ZNF385D: variants seen among roughly 807,000 people sequenced by gnomAD.
ZNF385D encodes the protein zinc finger protein 659.
Under a neutral mutation model 35.8 loss-of-function variants are expected in ZNF385D, and 15 were observed. That is an observed-to-expected ratio of 0.42 (90% CI 0.28 to 0.64). The LOEUF (loss-of-function observed/expected upper bound fraction) is 0.64. Among genes scored for constraint, ZNF385D ranks in the 30% least tolerant of loss-of-function variants. The pLI is 0.23. For missense variants in ZNF385D, 474 were observed against 494.6 expected (o/e 0.96, Z 0.39); for synonymous variants, 212 against 186.8 (o/e 1.13, Z -1.10).
intron 3 of ZNF385D, among the ~76,000 whole-genome samples, chr3:22,137,079 A>T (rs1269393334): frequency 6.6e-6 from 1 of 152,336 alleles, no homozygotes; most frequent in South Asian, 2.1e-4. Flanking sequence ...AACTACGGAC[A>T]TTAGTTAATA....
intron 3 of ZNF385D, among the ~76,000 whole-genome samples, chr3:22,155,934 C>T (rs749355355): frequency 6.6e-6 from 1 of 151,868 alleles, no homozygotes; most frequent in Non-Finnish European, 1.5e-5. Flanking sequence ...TCAGATACCC[C>T]AGGGTAAAAA....
intron 3 of ZNF385D, among the ~76,000 whole-genome samples, chr3:22,089,469 C>T (rs984213524): frequency 6.6e-6 from 1 of 152,180 alleles, no homozygotes; most frequent in African/African-American, 2.4e-5. Context: ...AGACAGGCTC[C>T]TGCGGTACAC....
intron 4 of ZNF385D, among the ~76,000 whole-genome samples, chr3:21,495,787 T>C (rs905129802): frequency 6.6e-6 from 1 of 151,566 alleles, no homozygotes; most frequent in Non-Finnish European, 1.5e-5. Context: ...AATTAATAGA[T>C]AGATAAAACA....
At chr3:21,458,421 G>GCAGTAAGCC (rs1284572341) in intron 4 of ZNF385D, among the ~76,000 whole-genome samples, 1 of 151,658 alleles carries the variant, frequency 6.6e-6, no homozygotes, top group African/African-American at 2.4e-5. Context: ...TGTTGACACT[G>GCAGTAAGCC]CAGTAAGCCA....
At chr3:21,949,124 AT>A (rs1325854323) in intron 3 of ZNF385D, among the ~76,000 whole-genome samples, 18 of 152,112 alleles carry the variant, frequency 1.2e-4, no homozygotes, top group Non-Finnish European at 2.6e-4. Flanking sequence ...TTTTGTGACA[AT>A]TCCTTTTATC....
At chr3:21,435,807 C>CT (rs1701523630) in intron 5 of ZNF385D, among the ~76,000 whole-genome samples, 1 of 152,162 alleles carries the variant, frequency 6.6e-6, no homozygotes, top group South Asian at 2.1e-4. Flanking sequence ...AGGCCAGGTA[C>CT]TTTTCTGTGT....
At chr3:22,065,147 T>C (rs1576251790) in intron 3 of ZNF385D, among the ~76,000 whole-genome samples, 2 of 152,296 alleles carry the variant, frequency 1.3e-5, no homozygotes, top group East Asian at 1.9e-4. Flanking sequence ...GATGAACTTA[T>C]TGAGAGAGTG....
At chr3:22,039,809 TTCTTC>T (rs1698555315) in intron 3 of ZNF385D, among the ~76,000 whole-genome samples, 1 of 152,088 alleles carries the variant, frequency 6.6e-6, no homozygotes, top group Non-Finnish European at 1.5e-5. Context: ...CTGGATGTCT[TTCTTC>T]TCTTTTCTTC....
At chr3:21,541,268 T>C (rs1188144521) in intron 3 of ZNF385D, among the ~76,000 whole-genome samples, 1 of 152,138 alleles carries the variant, frequency 6.6e-6, no homozygotes, top group Non-Finnish European at 1.5e-5. Flanking sequence ...GAAACTTTAG[T>C]GTGAAGAAGG....
At chr3:21,424,317 A>ATATATTTTT (rs1221923155) in intron 6 of ZNF385D, among the ~76,000 whole-genome samples, 2 of 63,814 alleles carry the variant, frequency 3.1e-5, no homozygotes, top group African/African-American at 1.2e-4. Context: ...ATATATATAT[A>ATATATTTTT]TTTTTTTTTT....
chr3:21,776,483 A>G (rs2071294188), intron 3 of ZNF385D, among the ~76,000 whole-genome samples: 1 of 152,008 alleles, frequency 6.6e-6, no homozygotes, highest in African/African-American at 2.4e-5. Context: ...TCTGATACAC[A>G]ACAACTAGCA....
rs540411758 is a variant in ZNF385D at position 22,066,392 on chromosome 3, T to C, written c.325+102425A>G. Among the ~76,000 whole-genome samples, 18 of 146,304 alleles carry C rather than the reference T, an allele frequency of 1.2e-4. No individual in the cohort carries two copies. The East Asian group carries it at 3.6e-3, about 30-fold the overall frequency. On this transcript the variant is annotated intron_variant, in intron 3 of 5. Transcript: ENST00000494108. The stretch of plus-strand genomic sequence containing the variant: ...TGTGTGTGTGTATGTAAAAAGATAC[T>C]GGGTGAGATGGTTCCCTGTGTGTGT...
At chr3:22,013,315 A>G (rs147568030) in intron 3 of ZNF385D, among the ~76,000 whole-genome samples, 2 of 152,290 alleles carry the variant, frequency 1.3e-5, no homozygotes, top group Non-Finnish European at 2.9e-5. Flanking sequence ...ATTCTATTAC[A>G]TTTGCTAATG....
chr3:22,324,134 A>T (rs928450824), intron 2 of ZNF385D, among the ~76,000 whole-genome samples: 1 of 152,194 alleles, frequency 6.6e-6, no homozygotes, highest in African/African-American at 2.4e-5. Flanking sequence ...TACCTTCTTA[A>T]CATGGTAAGG....
At chr3:21,728,772 G>A (rs2068870604) in intron 1 of ZNF385D, among the ~76,000 whole-genome samples, 5 of 152,154 alleles carry the variant, frequency 3.3e-5, no homozygotes. Context: ...TTCCTAATGA[G>A]GCCCACTCCT....
chr3:21,998,847 T>G (rs374952019), intron 3 of ZNF385D, among the ~76,000 whole-genome samples: 1 of 152,180 alleles, frequency 6.6e-6, no homozygotes, highest in East Asian at 1.9e-4. Flanking sequence ...CGCACACACA[T>G]AGACACAGAC....
chr3:22,211,302 C>T (rs60164686), intron 2 of ZNF385D, among the ~76,000 whole-genome samples: 3,447 of 151,812 alleles, frequency 0.023, 137 homozygotes, highest in African/African-American at 0.079. Context: ...ACTGGAAAAG[C>T]AAAAAATGTT....
intron 2 of ZNF385D, among the ~76,000 whole-genome samples, chr3:22,324,202 T>G (rs1305209705): frequency 6.6e-6 from 1 of 152,166 alleles, no homozygotes; most frequent in Admixed American, 6.5e-5. Context: ...GTGCTCCTAA[T>G]AGGACACTAA....
chr3:22,038,256 G>T (rs975719731), intron 3 of ZNF385D, among the ~76,000 whole-genome samples: 1 of 152,166 alleles, frequency 6.6e-6, no homozygotes, highest in East Asian at 1.9e-4. Context: ...AGATAAAAAT[G>T]TGGTAGAGAT....
Sources: gnomAD v4.1 joint callset for allele counts (sites outside exome capture counted in the v4.1 genomes callset) on GRCh38, gnomAD v4.1.1 for gene constraint, MANE v1.5 for transcripts, NCBI Gene and HGNC (gene_info 2026-07-23, HGNC 2026-07-21) for gene names.